C3orf70: variants seen among roughly 807,000 people sequenced by gnomAD.
The protein encoded by C3orf70 is UPF0524 protein C3orf70.
A neutral mutation model predicts 20.7 loss-of-function variants in C3orf70; 15 were observed. The observed-to-expected ratio is 0.72, with a 90% CI of 0.48 to 1.11. The LOEUF (loss-of-function observed/expected upper bound fraction) is 1.11, where lower values mean the gene tolerates loss of function less well. Ranked by LOEUF, C3orf70 falls within the 50% of genes most tolerant of loss-of-function variation. C3orf70 has a pLI of 0.00. For missense variants in C3orf70, 332 were observed against 317.6 expected, an observed-to-expected ratio of 1.05 and a Z score of -0.34; for synonymous variants, 161 against 125.7, an observed-to-expected ratio of 1.28 and a Z score of -1.88.
chr3:185,107,307 G>A (rs928596305), intron 1 of C3orf70, among the ~76,000 whole-genome samples: 5 of 152,114 alleles, frequency 3.3e-5, no homozygotes, highest in Non-Finnish European at 5.9e-5. Context: ...TATAACTTCC[G>A]TACCTATAAA....
intron 1 of C3orf70, among the ~76,000 whole-genome samples, chr3:185,094,156 C>T (rs2108589928): frequency 7.5e-6 from 1 of 132,624 alleles, no homozygotes; most frequent in South Asian, 2.6e-4. Context: ...GGGCTCACTG[C>T]AACCTCCACC....
chr3:185,152,547 G>C, intron 1 of C3orf70, 81 bp downstream of exon 1: 2 of 1,302,436 alleles, frequency 1.5e-6, no homozygotes, highest in Non-Finnish European at 2.1e-6. Context: ...CGCGGCCGCA[G>C]AGTTCCGGCA....
intron 1 of C3orf70, among the ~76,000 whole-genome samples, chr3:185,095,735 CTTTTTTT>C (rs756180408): frequency 1.6e-5 from 2 of 127,556 alleles, no homozygotes; most frequent in African/African-American, 2.8e-5. Flanking sequence ...CATTCTGAAA[CTTTTTTT>C]TTTTTTTTTT....
At chr3:185,106,646 A>G (rs1845671) in intron 1 of C3orf70, among the ~76,000 whole-genome samples, 144,754 of 152,308 alleles carry the variant, frequency 0.95, 68,803 homozygotes, top group Non-Finnish European at 0.96. Context: ...GGGCCTTTCC[A>G]GCTCAGGCCA....
Position 185,079,306 on chromosome 3 carries a change from T to TAAAAAAAAAAAAAAAAAAAAAAAAAAA in C3orf70, c.*3700_*3701insTTTTTTTTTTTTTTTTTTTTTTTTTTT, listed in dbSNP as rs1321535800. The TAAAAAAAAAAAAAAAAAAAAAAAAAAA allele has an allele frequency of 3.2e-4, 39 of 122,830 alleles. No individual in the cohort carries two copies. Among genetic ancestry groups the TAAAAAAAAAAAAAAAAAAAAAAAAAAA allele is most frequent in the Non-Finnish European group, 3.4e-4 (20 of 59,542 alleles). 7.6% of individuals were successfully genotyped at this position (122,830 alleles called of 1,614,324 possible). A position where few individuals can be genotyped will look rare whatever the true frequency, so the allele number is the denominator to read the frequency against. ...AAAAAAAAAAAAAAAAAAAAAAAAG[T>TAAAAAAAAAAAAAAAAAAAAAAAAAAA]AAAGCCACCACTCCCAAGATAGAAT... On this transcript the variant is annotated 3_prime_UTR_variant, in exon 2 of 2. Transcript: ENST00000335012.
chr3:185,092,598 A>G (rs1715615872), intron 1 of C3orf70, among the ~76,000 whole-genome samples: 1 of 152,256 alleles, frequency 6.6e-6, no homozygotes, highest in Admixed American at 6.5e-5. Context: ...ACTCTAGGAC[A>G]GTATGCATAC....
At chr3:185,148,989 C>G (rs1716930648) in intron 1 of C3orf70, among the ~76,000 whole-genome samples, 2 of 152,076 alleles carry the variant, frequency 1.3e-5, no homozygotes, top group South Asian at 4.2e-4. Context: ...TTGAATCTAC[C>G]TTTTTCAAGC....
At chr3:185,117,454 A>AAGAGAGAGAGAGAGAGAG (rs3072374) in intron 1 of C3orf70, among the ~76,000 whole-genome samples, 1 of 141,944 alleles carries the variant, frequency 7.0e-6, no homozygotes, top group Admixed American at 6.9e-5. Flanking sequence ...CACACACAGA[A>AAGAGAGAGAGAGAGAGAG]AGAGAGAGAG....
intron 1 of C3orf70, among the ~76,000 whole-genome samples, chr3:185,095,735 C>CTTTTTT (rs756180408): frequency 7.8e-6 from 1 of 127,554 alleles, no homozygotes; most frequent in Non-Finnish European, 1.6e-5. Context: ...CATTCTGAAA[C>CTTTTTT]TTTTTTTTTT....
chr3:185,146,079 C>T lies in C3orf70; in HGVS notation c.196+6549G>A, dbSNP rs544941395. On this transcript the variant is annotated intron_variant, in intron 1 of 1. Coordinates refer to ENST00000335012, the MANE Select transcript of C3orf70 (RefSeq NM_001025266.3). ...GTCTCTCGAAGAACCTATCAGCTTT[C>T]TCTGTCTCTGGAAGAACCTATCAGC... 3.9e-5 allele frequency among the ~76,000 whole-genome samples: 6 copies of T among 152,144 alleles called. No individual in the cohort carries two copies. The East Asian group carries it at 9.7e-4, about 25-fold the overall frequency.
chr3:185,126,153 T>C (rs1716406009), intron 1 of C3orf70, among the ~76,000 whole-genome samples: 1 of 152,182 alleles, frequency 6.6e-6, no homozygotes, highest in Admixed American at 6.5e-5. Context: ...CGCTAACAAT[T>C]CTATAATGTT....
chr3:185,107,131 G>A (rs558220372), intron 1 of C3orf70, among the ~76,000 whole-genome samples: 10 of 152,318 alleles, frequency 6.6e-5, no homozygotes, highest in Admixed American at 4.6e-4. Flanking sequence ...GTAGATACAG[G>A]AGCGGACATT....
chr3:185,091,941 ATATATATATATATATATATATAT>A (rs1561330830), intron 1 of C3orf70, among the ~76,000 whole-genome samples: 391 of 7,626 alleles, frequency 0.051, 39 homozygotes, highest in African/African-American at 0.13. Context: ...ATATATATAT[ATATATATATATATATATATATAT>A]TTTTTTTTTT....
chr3:185,147,517 G>T (rs747545605), intron 1 of C3orf70, among the ~76,000 whole-genome samples: 8 of 152,134 alleles, frequency 5.3e-5, no homozygotes, highest in Non-Finnish European at 1.0e-4. Context: ...ATTTTAAATT[G>T]CTCTACAGTG....
At chr3:185,128,068 T>C (rs879813800) in intron 1 of C3orf70, among the ~76,000 whole-genome samples, 2 of 152,208 alleles carry the variant, frequency 1.3e-5, no homozygotes, top group Non-Finnish European at 2.9e-5. Flanking sequence ...AATCATCAAA[T>C]GGGCAACATT....
intron 1 of C3orf70, among the ~76,000 whole-genome samples, chr3:185,137,111 C>T (rs1204993349): frequency 1.3e-5 from 2 of 152,126 alleles, no homozygotes; most frequent in African/African-American, 4.8e-5. Flanking sequence ...ATGTCTTTCC[C>T]GTGCTGTTCT....
At position 185,153,020 on chromosome 3, in the gene C3orf70, T is replaced by C; in HGVS notation, c.-197A>G. 4.5e-6 allele frequency: 1 copy of C among 224,216 alleles called. No homozygotes were observed. The highest frequency in any genetic ancestry group is 8.3e-6 in the Non-Finnish European group (1 of 121,176). 13.9% of individuals were successfully genotyped at this position (224,216 alleles called of 1,614,324 possible). A position where few individuals can be genotyped will look rare whatever the true frequency, so the allele number is the denominator to read the frequency against. The stretch of plus-strand genomic sequence containing the variant: ...CCGGGCGCTGCGACCGGGTCCGGGC[T>C]GGCAGCCTCCCTCCCTCCGGCGCGG... On this transcript the variant is annotated 5_prime_UTR_variant, in exon 1 of 2. Transcript: ENST00000335012. This position sits in a 1 kb window ranked among gnomAD's most constrained non-coding sequence, Gnocchi z 6.8.
chr3:185,091,961 A>G (rs1403508614), intron 1 of C3orf70, among the ~76,000 whole-genome samples: 1 of 7,222 alleles, frequency 1.4e-4, no homozygotes, highest in Non-Finnish European at 2.4e-4. Context: ...ATATATATAT[A>G]TATTTTTTTT....
intron 1 of C3orf70, among the ~76,000 whole-genome samples, chr3:185,115,542 C>G (rs762567152): frequency 6.6e-6 from 1 of 152,148 alleles, no homozygotes; most frequent in South Asian, 2.1e-4. Context: ...GAGAGAATAG[C>G]TTCTTGGCTG....
Sources: gnomAD v4.1 joint callset for allele counts (sites outside exome capture counted in the v4.1 genomes callset) on GRCh38, gnomAD v4.1.1 for gene constraint, Gnocchi (gnomAD v3.1) non-coding constraint, MANE v1.5 for transcripts, NCBI Gene and HGNC (gene_info 2026-07-23, HGNC 2026-07-21) for gene names.